The following CTNNA2 variants were observed in gnomAD, a reference collection of about 807,000 sequenced individuals.
CTNNA2 encodes the protein catenin alpha-2.
A neutral mutation model predicts 101.0 loss-of-function variants in CTNNA2; 42 were observed. The observed-to-expected ratio is 0.42, with a 90% CI of 0.32 to 0.54. The LOEUF is 0.54. Ranked by LOEUF, CTNNA2 falls within the 20% of genes least tolerant of loss-of-function variation. The probability of loss-of-function intolerance (pLI) is 0.14; values close to 1 mark genes in which losing one functional copy is unlikely to be tolerated. For synonymous variants in CTNNA2, 450 were observed against 456.4 expected (o/e 0.99, Z 0.18); for missense variants, 871 against 1,223.1 (o/e 0.71, Z 4.29).
intron 7 of CTNNA2, among the ~76,000 whole-genome samples, chr2:80,124,888 T>C (rs754115223): frequency 6.6e-6 from 1 of 151,980 alleles, no homozygotes; most frequent in Non-Finnish European, 1.5e-5. Flanking sequence ...GCGGAGGAAG[T>C]TGAGCAGGAG....
chr2:80,553,972 C>A (rs971890776), intron 11 of CTNNA2, among the ~76,000 whole-genome samples: 2 of 151,998 alleles, frequency 1.3e-5, no homozygotes, highest in Non-Finnish European at 2.9e-5. Flanking sequence ...AATCGAAATA[C>A]TAAAATTTAA....
At chr2:79,952,265 C>A (rs1688937004) in intron 7 of CTNNA2, among the ~76,000 whole-genome samples, 1 of 152,178 alleles carries the variant, frequency 6.6e-6, no homozygotes, top group African/African-American at 2.4e-5. Flanking sequence ...ACCCACTAGC[C>A]TGACCTTCTA....
intron 7 of CTNNA2, among the ~76,000 whole-genome samples, chr2:80,278,758 A>G (rs1674121977): frequency 2.0e-5 from 3 of 152,024 alleles, no homozygotes; most frequent in Admixed American, 2.0e-4. Context: ...TAAAGGTGCT[A>G]GTTTTCATGA....
At chr2:79,387,442 G>A (rs1406055817) in intron 4 of CTNNA2, among the ~76,000 whole-genome samples, 4 of 152,134 alleles carry the variant, frequency 2.6e-5, no homozygotes, top group South Asian at 2.1e-4. Flanking sequence ...TTCCCATATG[G>A]AACCAGCGTG....
chr2:80,152,552 T>C (rs888917179), intron 7 of CTNNA2, among the ~76,000 whole-genome samples: 14 of 152,084 alleles, frequency 9.2e-5, no homozygotes, highest in African/African-American at 3.4e-4. Context: ...TTTTTTATTA[T>C]TAAAAGCTCC....
intron 7 of CTNNA2, among the ~76,000 whole-genome samples, chr2:80,102,080 C>T (rs183027752): frequency 4.4e-4 from 67 of 152,266 alleles, no homozygotes; most frequent in African/African-American, 1.5e-3. Flanking sequence ...GTGTGTGTGG[C>T]TTTGCTCCCT....
At chr2:79,897,938 T>C (rs989394598) in intron 6 of CTNNA2, among the ~76,000 whole-genome samples, 1 of 152,108 alleles carries the variant, frequency 6.6e-6, no homozygotes, top group Non-Finnish European at 1.5e-5. Flanking sequence ...AAACCTCTTT[T>C]ATAAGTGCCT....
At chr2:80,519,547 T>C (rs1689361711) in intron 9 of CTNNA2, among the ~76,000 whole-genome samples, 2 of 152,212 alleles carry the variant, frequency 1.3e-5, no homozygotes, top group Admixed American at 6.5e-5. Context: ...AACAGCATTG[T>C]TACTCCCCAG....
chr2:79,847,910 T>A (rs1680368955), intron 3 of CTNNA2, among the ~76,000 whole-genome samples: 1 of 152,178 alleles, frequency 6.6e-6, no homozygotes, highest in African/African-American at 2.4e-5. Context: ...GCATTGATTC[T>A]TGTTTTCCTA....
At chr2:79,741,553 C>A (rs1671285467) in intron 2 of CTNNA2, among the ~76,000 whole-genome samples, 1 of 152,066 alleles carries the variant, frequency 6.6e-6, no homozygotes, top group Non-Finnish European at 1.5e-5. Flanking sequence ...AAAATGTTAT[C>A]ATTTTCCCCC....
chr2:80,216,292 C>G (rs1427883103), intron 7 of CTNNA2, among the ~76,000 whole-genome samples: 1 of 152,162 alleles, frequency 6.6e-6, no homozygotes, highest in Non-Finnish European at 1.5e-5. Context: ...TGAGATGAAC[C>G]TGGTACCTCA....
chr2:79,833,105 T>C (rs182247989), intron 3 of CTNNA2, among the ~76,000 whole-genome samples: 13 of 152,324 alleles, frequency 8.5e-5, no homozygotes, highest in African/African-American at 2.2e-4. Flanking sequence ...ACCTGGACTG[T>C]CTTCTGGCAT....
chr2:79,280,649 G>GTC (rs1675341970), intron 2 of CTNNA2, among the ~76,000 whole-genome samples: 2 of 142,234 alleles, frequency 1.4e-5, no homozygotes, highest in South Asian at 4.6e-4. Context: ...GTGTGTGTGT[G>GTC]TGTGTGTAAG....
At position 80,553,223 on chromosome 2, in the gene CTNNA2, CA is replaced by C. The variant is rs143384465; in HGVS notation, c.1541-2459del. ...TGGGCGACAGAGGGAGACTCCGTCT[CA>C]AAAAAAAAAATAAAATAAAATAAAA... On this transcript the variant is annotated intron_variant, in intron 11 of 18. Coordinates refer to ENST00000402739, the MANE Select transcript of CTNNA2 (RefSeq NM_001282597.3). 8.8e-3 allele frequency among the ~76,000 whole-genome samples: 1,007 copies of C among 114,320 alleles called. 13 individuals carry two copies. Among genetic ancestry groups the C allele is most frequent in the East Asian group, 0.023 (101 of 4,310 alleles). The allele number at this position is 114,320 out of a possible 152,430, so 75.0% of individuals were successfully genotyped here.
At chr2:80,110,894 T>C (rs951151521) in intron 7 of CTNNA2, among the ~76,000 whole-genome samples, 1 of 152,154 alleles carries the variant, frequency 6.6e-6, no homozygotes, top group Non-Finnish European at 1.5e-5. Context: ...GATAAAGACA[T>C]ACCCAAGACT....
At chr2:80,318,402 T>C (rs1341513595) in intron 7 of CTNNA2, among the ~76,000 whole-genome samples, 1 of 152,198 alleles carries the variant, frequency 6.6e-6, no homozygotes, top group African/African-American at 2.4e-5. Flanking sequence ...CCAGGTTGTA[T>C]TCCTGGTGTA....
At chr2:80,566,431 C>T (rs1694069257) in intron 12 of CTNNA2, among the ~76,000 whole-genome samples, 1 of 152,156 alleles carries the variant, frequency 6.6e-6, no homozygotes, top group Admixed American at 6.5e-5. Context: ...ATCTGTCACA[C>T]ATACATATTT....
intron 18 of CTNNA2, among the ~76,000 whole-genome samples, chr2:80,639,535 G>GTGTGTGTGTGTGTGTGTGTGTGTC (rs1224617726): frequency 6.6e-6 from 1 of 151,802 alleles, no homozygotes; most frequent in African/African-American, 2.4e-5. Flanking sequence ...GTGTGTGTGT[G>GTGTGTGTGTGTGTGTGTGTGTGTC]TGTGTCTGTG....
chr2:79,276,389 G>T (rs1456598079), intron 2 of CTNNA2, among the ~76,000 whole-genome samples: 4 of 151,850 alleles, frequency 2.6e-5, no homozygotes, highest in Non-Finnish European at 1.5e-5. Context: ...AATAGCTTTT[G>T]TTTGATCTAT....
Sources: gnomAD v4.1 joint callset for allele counts (sites outside exome capture counted in the v4.1 genomes callset) on GRCh38, gnomAD v4.1.1 for gene constraint, MANE v1.5 for transcripts, NCBI Gene and HGNC (gene_info 2026-07-23, HGNC 2026-07-21) for gene names.